Variants in CCDC102B observed in about 807,000 individuals in gnomAD.
CCDC102B encodes the protein coiled-coil domain containing 102B, also known as coiled-coil domain-containing protein 102B.
CCDC102B carries 75 observed loss-of-function variants against 57.4 expected under a neutral mutation model. The ratio of observed to expected loss-of-function variants is 1.31; its 90% CI spans 1.08 to 1.58. The LOEUF is 1.58. Among genes scored for constraint, CCDC102B ranks in the 40% most tolerant of loss-of-function variants. CCDC102B has a pLI of 0.00. For missense variants in CCDC102B, 636 were observed against 582.6 expected, an observed-to-expected ratio of 1.09 and a Z score of -0.94; for synonymous variants, 206 against 201.9, an observed-to-expected ratio of 1.02 and a Z score of -0.17.
chr18:68,824,059 T>C (rs7505851), intron 1 of CCDC102B, among the ~76,000 whole-genome samples: 64,625 of 151,696 alleles, frequency 0.43, 14,953 homozygotes, highest in East Asian at 0.86. Flanking sequence ...TTTAATTAGG[T>C]CCCACTTGTC....
At chr18:68,969,819 C>G (rs2050257439) in intron 6 of CCDC102B, among the ~76,000 whole-genome samples, 1 of 151,690 alleles carries the variant, frequency 6.6e-6, no homozygotes, top group East Asian at 1.9e-4. Flanking sequence ...ATGAATTTAT[C>G]CTTGTTTTTA....
intron 1 of CCDC102B, among the ~76,000 whole-genome samples, chr18:68,802,691 CTG>C (rs1278678065): frequency 6.6e-6 from 1 of 152,188 alleles, no homozygotes; most frequent in Non-Finnish European, 1.5e-5. Flanking sequence ...ATTGTTTCCT[CTG>C]TGGCTATAAG....
At chr18:69,028,967 T>C (rs914174522) in intron 7 of CCDC102B, among the ~76,000 whole-genome samples, 1 of 152,202 alleles carries the variant, frequency 6.6e-6, no homozygotes, top group Non-Finnish European at 1.5e-5. Context: ...TTTTAATTCA[T>C]ATTAGTTTAT....
chr18:68,980,506 C>A (rs1474395005), intron 6 of CCDC102B, among the ~76,000 whole-genome samples: 1 of 151,724 alleles, frequency 6.6e-6, no homozygotes, highest in African/African-American at 2.4e-5. Flanking sequence ...ACTGTATACT[C>A]CCTAAGAAAG....
At chr18:68,943,217 T>A (rs1394861244) in intron 6 of CCDC102B, among the ~76,000 whole-genome samples, 1 of 152,076 alleles carries the variant, frequency 6.6e-6, no homozygotes, top group Non-Finnish European at 1.5e-5. Context: ...AACAGTCTGA[T>A]CTCTCTTTTC....
At chr18:68,997,702 T>G (rs2051068432) in intron 6 of CCDC102B, among the ~76,000 whole-genome samples, 2 of 152,186 alleles carry the variant, frequency 1.3e-5, no homozygotes, top group Non-Finnish European at 2.9e-5. Context: ...ATCTATTTCA[T>G]TCATCCGTGT....
chr18:68,778,306 C>A (rs1015339535), intron 2 of CCDC102B, among the ~76,000 whole-genome samples: 32 of 152,090 alleles, frequency 2.1e-4, no homozygotes, highest in African/African-American at 7.5e-4. Context: ...TTTGCCATTT[C>A]TTTTTCATCA....
At chr18:68,850,516 T>C (rs1466093265) in intron 4 of CCDC102B, among the ~76,000 whole-genome samples, 1 of 151,906 alleles carries the variant, frequency 6.6e-6, no homozygotes, top group Admixed American at 6.6e-5. Flanking sequence ...TCTTTTAAAC[T>C]CATCAACCTG....
At chr18:68,916,253 G>A (rs1419567489) in intron 6 of CCDC102B, among the ~76,000 whole-genome samples, 1 of 151,984 alleles carries the variant, frequency 6.6e-6, no homozygotes, top group Non-Finnish European at 1.5e-5. Flanking sequence ...CTCTTCACTG[G>A]GCATGCTGAC....
At chr18:68,834,967 A>G (rs2037303904) in intron 1 of CCDC102B, among the ~76,000 whole-genome samples, 1 of 152,100 alleles carries the variant, frequency 6.6e-6, no homozygotes, top group Non-Finnish European at 1.5e-5. Flanking sequence ...TGTCATGCAC[A>G]TAAAATATTA....
chr18:68,908,760 A>T (rs1354911367), intron 6 of CCDC102B, among the ~76,000 whole-genome samples: 1 of 152,168 alleles, frequency 6.6e-6, no homozygotes, highest in Non-Finnish European at 1.5e-5. Flanking sequence ...ATTTATTAAG[A>T]ATACTGTAGT....
intron 7 of CCDC102B, among the ~76,000 whole-genome samples, chr18:69,016,969 A>G (rs1248578486): frequency 2.6e-5 from 4 of 152,198 alleles, no homozygotes; most frequent in Non-Finnish European, 4.4e-5. Context: ...AATGGAGAAT[A>G]TTAACTGCAT....
intron 6 of CCDC102B, among the ~76,000 whole-genome samples, chr18:68,959,458 C>G (rs1034567320): frequency 6.6e-6 from 1 of 152,110 alleles, no homozygotes; most frequent in African/African-American, 2.4e-5. Flanking sequence ...GACCTGAAGC[C>G]AGCACTGCAC....
chr18:68,791,023 AG>A (rs569212401), intron 2 of CCDC102B, among the ~76,000 whole-genome samples: 41 of 152,344 alleles, frequency 2.7e-4, no homozygotes, highest in Middle Eastern at 3.4e-3. Flanking sequence ...AACTTTCAAG[AG>A]AGTAAAATAA....
At chr18:68,995,297 A>G (rs1173901443) in intron 6 of CCDC102B, among the ~76,000 whole-genome samples, 1 of 152,232 alleles carries the variant, frequency 6.6e-6, no homozygotes, top group Non-Finnish European at 1.5e-5. Flanking sequence ...GACCTGCCAC[A>G]GAAATTGCAT....
chr18:69,056,832 C>T (rs980185589), downstream of CCDC102B, among the ~76,000 whole-genome samples: 1 of 151,898 alleles, frequency 6.6e-6, no homozygotes, highest in African/African-American at 2.4e-5. Context: ...TAAGTATAGC[C>T]AGTGTTACGC....
chr18:68,894,722 A>G (rs962147927), intron 5 of CCDC102B, among the ~76,000 whole-genome samples: 1 of 151,864 alleles, frequency 6.6e-6, no homozygotes, highest in Non-Finnish European at 1.5e-5. Context: ...TATGTTATAC[A>G]CATATATTTA....
At chr18:68,721,986 A>G (rs1006690998) in intron 2 of CCDC102B, among the ~76,000 whole-genome samples, 1 of 152,234 alleles carries the variant, frequency 6.6e-6, no homozygotes, top group Non-Finnish European at 1.5e-5. Flanking sequence ...AGATAATTCA[A>G]GTGGGGCAAG....
Position 68,719,691 on chromosome 18 carries a change from C to T in CCDC102B, c.-67+3097C>T, listed in dbSNP as rs145789318. 8.6e-3 allele frequency among the ~76,000 whole-genome samples: 1,304 copies of T among 152,280 alleles called. 23 individuals are homozygous for T. Among genetic ancestry groups the T allele is most frequent in the East Asian group, 0.047 (246 of 5,182 alleles). ...TTTCCCAAAAACATCCTCATAGACA[C>T]GCCTAGAAATAATGTTTTACTAGCT... On this transcript the variant is annotated intron_variant, in intron 2 of 3. Transcript: ENST00000578970.
Sources: gnomAD v4.1 joint callset for allele counts (sites outside exome capture counted in the v4.1 genomes callset) on GRCh38, gnomAD v4.1.1 for gene constraint, MANE v1.5 for transcripts, NCBI Gene and HGNC (gene_info 2026-07-23, HGNC 2026-07-21) for gene names.